The following CELF2 variants were observed in gnomAD, a reference collection of about 807,000 sequenced individuals.
CELF2 encodes CUG triplet repeat RNA-binding protein 2.
Under a neutral mutation model 62.6 loss-of-function variants are expected in CELF2, and 8 were observed. The ratio of observed to expected loss-of-function variants is 0.13; its 90% CI spans 0.07 to 0.23. The LOEUF is 0.23. Ranked by LOEUF, CELF2 falls within the 10% of genes least tolerant of loss-of-function variation. The pLI is 1.00. For missense variants in CELF2, 333 were observed against 671.0 expected (o/e 0.50, Z 5.56); for synonymous variants, 258 against 250.0 (o/e 1.03, Z -0.30).
intron 5 of CELF2, among the ~76,000 whole-genome samples, chr10:11,264,267 T>C (rs185732297): frequency 2.2e-4 from 33 of 152,392 alleles, no homozygotes; most frequent in Admixed American, 5.9e-4. Context: ...GCTGTATCTT[T>C]CTCACTAAGT....
the CELF2 span, among the ~76,000 whole-genome samples, chr10:10,589,047 G>A: frequency 6.6e-6 from 1 of 152,200 alleles, no homozygotes; most frequent in East Asian, 1.9e-4. Flanking sequence ...ATGTGCCCAA[G>A]GTGCTCAGGC....
chr10:11,314,405 G>A lies in CELF2; in HGVS notation c.1096+147G>A, dbSNP rs757684850. 1 of 1,016,518 alleles carries A rather than the reference G, an allele frequency of 9.8e-7. No homozygotes were observed. The highest frequency in any genetic ancestry group is 1.3e-5 in the South Asian group (1 of 74,894). The allele number at this position is 1,016,518 out of a possible 1,614,324, so 63.0% of individuals were successfully genotyped here. ...GATGGAGGAGCACATGCTTTGATAGGCAAAAGCTGTCTACACTCGTTTTGC... is the reference window on the plus strand; with the variant it reads ...GATGGAGGAGCACATGCTTTGATAGACAAAAGCTGTCTACACTCGTTTTGC... On this transcript the variant is annotated intron_variant, in intron 10 of 12. Coordinates refer to ENST00000633077, the MANE Select transcript of CELF2 (RefSeq NM_001326342.2). This position sits in a 1 kb window ranked among gnomAD's most constrained non-coding sequence, Gnocchi z 5.3.
At position 11,017,873 on chromosome 10, in the gene CELF2, C is replaced by T; in HGVS notation, c.-217C>T. On this transcript the variant is annotated 5_prime_UTR_variant, in exon 1 of 13. Coordinates refer to ENST00000633077, the MANE Select transcript of CELF2 (RefSeq NM_001326342.2). The surrounding 1 kb of genome is among the most constrained non-coding windows in gnomAD (Gnocchi z 5.5). ...GGCGGCGGGCGCCCCGCGAGCTCCG[C>T]CCCCGCCCGCCGCACCTGGCGCTCG... is the stretch of plus-strand genomic sequence containing the variant. The T allele has an allele frequency of 4.5e-6, 4 of 880,348 alleles. No homozygotes were observed. Among genetic ancestry groups the T allele is most frequent in the Non-Finnish European group, 5.4e-6 (4 of 736,168 alleles). 54.5% of individuals were successfully genotyped at this position (880,348 alleles called of 1,614,324 possible).
rs1050340028 is a variant in CELF2 at position 10,820,833 on chromosome 10, A to G, written c.53+22016A>G. Reference sequence around the variant, plus strand: ...AGCAATGGAAACCATTTACACCTTCAAACAGAGCACCACTAAGAGATTTGC... The same window carrying G: ...AGCAATGGAAACCATTTACACCTTCGAACAGAGCACCACTAAGAGATTTGC... On this transcript the variant is annotated intron_variant, in intron 1 of 13. Coordinates refer to the CELF2 transcript ENST00000636488. Among the ~76,000 whole-genome samples the G allele has an allele frequency of 4.6e-5, 7 of 152,234 alleles. No homozygotes were observed. The East Asian group carries it at 9.6e-4, about 21-fold the overall frequency.
chr10:11,294,209 G>A (rs568904092), intron 9 of CELF2, among the ~76,000 whole-genome samples: 1 of 152,322 alleles, frequency 6.6e-6, no homozygotes, highest in East Asian at 1.9e-4. Flanking sequence ...ACCTTCAGAA[G>A]AACCACCTAC....
At chr10:10,922,376 G>A (rs530061623) in intron 2 of CELF2, among the ~76,000 whole-genome samples, 1 of 152,288 alleles carries the variant, frequency 6.6e-6, no homozygotes, top group East Asian at 1.9e-4. Flanking sequence ...TTGGGCTGAG[G>A]AAGTCAATCC....
At chr10:10,831,710 G>A (rs2057871530) in intron 1 of CELF2, among the ~76,000 whole-genome samples, 1 of 152,170 alleles carries the variant, frequency 6.6e-6, no homozygotes, top group Non-Finnish European at 1.5e-5. Flanking sequence ...GGTGGCTCAT[G>A]CCTATAAACC....
rs187726081 is a variant in CELF2 at position 11,244,142 on chromosome 10, A to G, written c.355-5011A>G. 1.3e-5 allele frequency among the ~76,000 whole-genome samples: 2 copies of G among 152,358 alleles called. No individual in the cohort carries two copies. Among genetic ancestry groups the G allele is most frequent in the Admixed American group, 1.3e-4 (2 of 15,306 alleles). ...GTCATGGGGAAGCAGTTGAGAAGCAACAGTTCTGACCCCACTCATTTCATC... is the reference window on the plus strand; with the variant it reads ...GTCATGGGGAAGCAGTTGAGAAGCAGCAGTTCTGACCCCACTCATTTCATC... On this transcript the variant is annotated intron_variant, in intron 3 of 12. Coordinates refer to ENST00000633077, the MANE Select transcript of CELF2 (RefSeq NM_001326342.2). The surrounding 1 kb of genome is among the most constrained non-coding windows in gnomAD (Gnocchi z 4.2).
Position 11,207,337 on chromosome 10 carries a change from C to A in CELF2, c.272-10088C>A, listed in dbSNP as rs1423040557. 3.3e-5 allele frequency among the ~76,000 whole-genome samples: 5 copies of A among 152,216 alleles called. No individual in the cohort carries two copies. The highest frequency in any genetic ancestry group is 1.2e-4 in the African/African-American group (5 of 41,452). ...TCATGGAAATAACAGAAGATGGTTC[C>A]TCCAGGGAAAGTCCCCAGGGCAACA... is the stretch of plus-strand genomic sequence containing the variant. On this transcript the variant is annotated intron_variant, in intron 2 of 12. Coordinates refer to ENST00000633077, the MANE Select transcript of CELF2 (RefSeq NM_001326342.2). This position sits in a 1 kb window ranked among gnomAD's most constrained non-coding sequence, Gnocchi z 4.1.
At chr10:11,271,135 G>A (rs1046680062) in intron 7 of CELF2, among the ~76,000 whole-genome samples, 1 of 152,204 alleles carries the variant, frequency 6.6e-6, no homozygotes, top group Admixed American at 6.5e-5. Flanking sequence ...AGGCCGCTGG[G>A]CTGGCTCATC....
chr10:10,550,943 C>G, the CELF2 span, among the ~76,000 whole-genome samples: 1 of 151,752 alleles, frequency 6.6e-6, no homozygotes, highest in Admixed American at 6.6e-5. Flanking sequence ...GGTGATCCAC[C>G]TGCCTTGGTC....
the CELF2 span, among the ~76,000 whole-genome samples, chr10:10,727,078 C>T: frequency 6.6e-6 from 1 of 152,132 alleles, no homozygotes; most frequent in Non-Finnish European, 1.5e-5. Context: ...ATGGTGCTAA[C>T]CCGTTAGAAA....
chr10:11,087,341 A>G (rs2047089467), intron 1 of CELF2, among the ~76,000 whole-genome samples: 1 of 152,188 alleles, frequency 6.6e-6, no homozygotes, highest in Admixed American at 6.5e-5. Flanking sequence ...TAAGCAGTTG[A>G]CACTAGACAA....
rs547787286 is a variant in CELF2 at position 11,053,716 on chromosome 10, A to G, written c.74+35553A>G. On this transcript the variant is annotated intron_variant, in intron 1 of 12. Coordinates refer to ENST00000633077, the MANE Select transcript of CELF2 (RefSeq NM_001326342.2). ...TGCAAGCTCCGCCTTCCGGGTTCACACCATTCTCCTGCCTCAGCCTCCCGA... is the reference window on the plus strand; with the variant it reads ...TGCAAGCTCCGCCTTCCGGGTTCACGCCATTCTCCTGCCTCAGCCTCCCGA... Among the ~76,000 whole-genome samples, 48 of 147,374 alleles carry G rather than the reference A, an allele frequency of 3.3e-4. 1 individual carries two copies. The South Asian group carries it at 9.8e-3, about 30-fold the overall frequency.
Position 10,972,467 on chromosome 10 carries a change from C to G in CELF2, c.89+52468C>G, listed in dbSNP as rs1204919792. Reference sequence around the variant, plus strand: ...TCCCCATCCCTCTCGTCTCCTGGTTCTCCCCCTACATCTGTCCTTGTAATT... The same window carrying G: ...TCCCCATCCCTCTCGTCTCCTGGTTGTCCCCCTACATCTGTCCTTGTAATT... On this transcript the variant is annotated intron_variant, in intron 2 of 13. Coordinates refer to the CELF2 transcript ENST00000636488. The surrounding 1 kb of genome is among the most constrained non-coding windows in gnomAD (Gnocchi z 4.4). Among the ~76,000 whole-genome samples, 2 of 152,184 alleles carry G rather than the reference C, an allele frequency of 1.3e-5. No individual in the cohort carries two copies. Among genetic ancestry groups the G allele is most frequent in the Non-Finnish European group, 2.9e-5 (2 of 68,028 alleles).
the CELF2 span, among the ~76,000 whole-genome samples, chr10:10,596,670 G>T: frequency 2.0e-5 from 3 of 152,210 alleles, no homozygotes; most frequent in African/African-American, 7.2e-5. Context: ...CGCCTGCAGG[G>T]CACCTCTGGG....
At chr10:10,486,666 C>T in the CELF2 span, among the ~76,000 whole-genome samples, 3 of 152,146 alleles carry the variant, frequency 2.0e-5, no homozygotes, top group East Asian at 1.9e-4. Flanking sequence ...TTCCTTTGAG[C>T]GTCATGTCAG....
chr10:11,236,486 C>A (rs1329999532), intron 3 of CELF2, among the ~76,000 whole-genome samples: 1 of 152,180 alleles, frequency 6.6e-6, no homozygotes, highest in Non-Finnish European at 1.5e-5. Flanking sequence ...TGTTTTAAGT[C>A]ATCAAGTCAC....
chr10:11,180,210 C>T (rs948172487), intron 2 of CELF2, among the ~76,000 whole-genome samples: 4 of 152,088 alleles, frequency 2.6e-5, no homozygotes, highest in Non-Finnish European at 4.4e-5. Context: ...TTTTTTCTAC[C>T]CTTTGGCTAC....
Sources: gnomAD v4.1 joint callset for allele counts (sites outside exome capture counted in the v4.1 genomes callset) on GRCh38, gnomAD v4.1.1 for gene constraint, Gnocchi (gnomAD v3.1) non-coding constraint, MANE v1.5 for transcripts, NCBI Gene and HGNC (gene_info 2026-07-23, HGNC 2026-07-21) for gene names.